KCNIP1: variants seen among roughly 807,000 people sequenced by gnomAD.
KCNIP1 encodes the protein potassium voltage-gated channel interacting protein 1.
Under a neutral mutation model 33.0 loss-of-function variants are expected in KCNIP1, and 18 were observed. The ratio of observed to expected loss-of-function variants is 0.55; its 90% CI spans 0.38 to 0.81. The LOEUF is 0.81. Ranked by LOEUF, KCNIP1 falls within the 30% of genes least tolerant of loss-of-function variation. The probability of loss-of-function intolerance (pLI) is 0.00; values close to 1 mark genes in which losing one functional copy is unlikely to be tolerated. For missense variants in KCNIP1, 238 were observed against 271.6 expected, an observed-to-expected ratio of 0.88 and a Z score of 0.87; for synonymous variants, 93 against 98.3, an observed-to-expected ratio of 0.95 and a Z score of 0.32.
chr5:170,734,020 C>A, intron 7 of KCNIP1, 122 bp downstream of exon 7: 2 of 691,000 alleles, frequency 2.9e-6, no homozygotes, highest in Non-Finnish European at 5.0e-6. Context: ...CCATCAGAGC[C>A]AACAACACCA....
intron 1 of KCNIP1, among the ~76,000 whole-genome samples, chr5:170,540,431 T>C (rs557148645): frequency 3.3e-5 from 5 of 152,326 alleles, no homozygotes; most frequent in East Asian, 3.9e-4. Context: ...TGATGAGTTA[T>C]TGCACCAACA....
At chr5:170,517,893 A>G (rs913377318) in intron 1 of KCNIP1, among the ~76,000 whole-genome samples, 3 of 143,480 alleles carry the variant, frequency 2.1e-5, no homozygotes, top group Non-Finnish European at 1.5e-5. Context: ...GTGAAGTGAT[A>G]GTGATGGTAG....
At chr5:170,706,051 T>C (rs1008500498) in intron 1 of KCNIP1, among the ~76,000 whole-genome samples, 1 of 152,168 alleles carries the variant, frequency 6.6e-6, no homozygotes, top group Non-Finnish European at 1.5e-5. Flanking sequence ...TCTAAAACTA[T>C]TACCATGCTC....
At chr5:170,688,254 A>G (rs1018225185) in intron 1 of KCNIP1, among the ~76,000 whole-genome samples, 4 of 152,186 alleles carry the variant, frequency 2.6e-5, no homozygotes, top group Admixed American at 2.6e-4. Context: ...CTCAGGCTCT[A>G]TTATGAGAAG....
chr5:170,585,287 G>C (rs28523671), intron 1 of KCNIP1, among the ~76,000 whole-genome samples: 9 of 152,124 alleles, frequency 5.9e-5, no homozygotes, highest in African/African-American at 1.7e-4. Context: ...TTTTTCAGAG[G>C]GGGGGATCTG....
At chr5:170,597,543 G>C (rs1042845685) in intron 1 of KCNIP1, among the ~76,000 whole-genome samples, 7 of 151,968 alleles carry the variant, frequency 4.6e-5, no homozygotes, top group African/African-American at 1.7e-4. Context: ...GATAAATCTG[G>C]GAGATGAATG....
chr5:170,713,702 C>G (rs912599941), intron 1 of KCNIP1, among the ~76,000 whole-genome samples: 2 of 152,104 alleles, frequency 1.3e-5, no homozygotes, highest in Non-Finnish European at 2.9e-5. Flanking sequence ...ACACTCAAGC[C>G]GAGGATCACT....
At chr5:170,698,941 C>G (rs749750780) in intron 1 of KCNIP1, among the ~76,000 whole-genome samples, 1 of 152,076 alleles carries the variant, frequency 6.6e-6, no homozygotes, top group Non-Finnish European at 1.5e-5. Context: ...CGGAGGATCT[C>G]CACCCTCACC....
Position 170,720,338 on chromosome 5 carries a change from G to C in KCNIP1, c.204G>C (p.Val68=). Residue 68 remains valine, a synonymous_variant, in exon 3 of 8, where the codon GTG becomes GTC. Coordinates refer to ENST00000328939, the MANE Select transcript of KCNIP1 (RefSeq NM_014592.4). The part of the protein sequence containing the change: ...RGFKNECPSG[V]VNEDTFKQIY... ...TCCCACAGGAGTGCCCCAGTGGTGTGGTCAACGAAGACACATTCAAGCAGA... is the reference window on the plus strand; with the variant it reads ...TCCCACAGGAGTGCCCCAGTGGTGTCGTCAACGAAGACACATTCAAGCAGA... 6.2e-7 allele frequency: 1 copy of C among 1,613,964 alleles called. No homozygotes were observed. The highest frequency in any genetic ancestry group is 8.5e-7 in the Non-Finnish European group (1 of 1,179,912).
intron 1 of KCNIP1, among the ~76,000 whole-genome samples, chr5:170,554,160 C>T (rs893505046): frequency 4.6e-5 from 7 of 151,540 alleles, no homozygotes; most frequent in Non-Finnish European, 8.8e-5. Context: ...TTTTAAAAAT[C>T]GTGTGTATCC....
At chr5:170,526,724 T>C (rs867068674) in intron 1 of KCNIP1, among the ~76,000 whole-genome samples, 1,688 of 148,900 alleles carry the variant, frequency 0.011, 35 homozygotes, top group East Asian at 0.045. Context: ...ATTAGCTTTT[T>C]TTTTTTTTTT....
intron 1 of KCNIP1, among the ~76,000 whole-genome samples, chr5:170,492,829 A>G (rs1325833083): frequency 6.6e-6 from 1 of 152,180 alleles, no homozygotes; most frequent in Non-Finnish European, 1.5e-5. Context: ...GCAGTGGCAC[A>G]ACATCTGCCT....
chr5:170,494,352 A>C (rs1757269327), intron 1 of KCNIP1, among the ~76,000 whole-genome samples: 4 of 152,210 alleles, frequency 2.6e-5, no homozygotes, highest in Admixed American at 2.6e-4. Flanking sequence ...CAATGCAAGA[A>C]GGAGCAACAG....
chr5:170,725,995 G>C (rs1763992541), intron 5 of KCNIP1, among the ~76,000 whole-genome samples: 1 of 152,096 alleles, frequency 6.6e-6, no homozygotes, highest in South Asian at 2.1e-4. Context: ...ATGGATTATA[G>C]ACTTAAATAT....
At chr5:170,383,819 T>A in intron 1 of KCNIP1, 1 of 1,614,092 alleles carries the variant, frequency 6.2e-7, no homozygotes, top group Non-Finnish European at 8.5e-7. Flanking sequence ...TTGGTCTCAA[T>A]CAGGTGGCAC....
chr5:170,490,177 A>G lies in KCNIP1; in HGVS notation c.88+136213A>G, dbSNP rs369368117. Among the ~76,000 whole-genome samples the G allele has an allele frequency of 3.3e-4, 50 of 152,320 alleles. 1 individual carries two copies. The South Asian group carries it at 9.5e-3, about 29-fold the overall frequency. On this transcript the variant is annotated intron_variant, in intron 1 of 7. Transcript: ENST00000377360. ...ACTGAGTTGTTTAAACTCTCTGTTC[A>G]TGCTCCTCCCCTGCAAAGTGAAGGC...
At chr5:170,598,142 T>A (rs775004277) in intron 1 of KCNIP1, among the ~76,000 whole-genome samples, 10 of 152,176 alleles carry the variant, frequency 6.6e-5, no homozygotes, top group Non-Finnish European at 1.3e-4. Flanking sequence ...CCGTGTATTT[T>A]AGCAACAGAA....
chr5:170,605,871 T>A (rs1758894819), intron 1 of KCNIP1, among the ~76,000 whole-genome samples: 1 of 149,182 alleles, frequency 6.7e-6, no homozygotes, highest in Non-Finnish European at 1.5e-5. Flanking sequence ...GCCCCCTGGG[T>A]TCAAGTCATT....
At chr5:170,363,398 G>A (rs777682547) in intron 1 of KCNIP1, among the ~76,000 whole-genome samples, 1 of 152,100 alleles carries the variant, frequency 6.6e-6, no homozygotes, top group African/African-American at 2.4e-5. Flanking sequence ...TCATAAGGTT[G>A]GGATCCTAAT....
Sources: gnomAD v4.1 joint callset for allele counts (sites outside exome capture counted in the v4.1 genomes callset) on GRCh38, gnomAD v4.1.1 for gene constraint, MANE v1.5 for transcripts, NCBI Gene and HGNC (gene_info 2026-07-23, HGNC 2026-07-21) for gene names.